The following PTPRM variants were observed in gnomAD, a reference collection of about 807,000 sequenced individuals.
PTPRM encodes protein tyrosine phosphatase receptor type M, also known as receptor-type tyrosine-protein phosphatase mu.
A neutral mutation model predicts 186.7 loss-of-function variants in PTPRM; 47 were observed. That is an observed-to-expected ratio of 0.25 (90% CI 0.20 to 0.32). The LOEUF is 0.32. Ranked by LOEUF, PTPRM falls within the 10% of genes least tolerant of loss-of-function variation. The pLI, the probability that PTPRM is intolerant of heterozygous loss-of-function variation, is 1.00. For missense variants in PTPRM, 1,494 were observed against 1,865.0 expected (o/e 0.80, Z 3.66); for synonymous variants, 668 against 674.9 (o/e 0.99, Z 0.16).
intron 7 of PTPRM, among the ~76,000 whole-genome samples, chr18:8,056,141 T>G (rs1410313267): frequency 6.6e-6 from 1 of 152,236 alleles, no homozygotes; most frequent in South Asian, 2.1e-4. Context: ...TTAATTTATC[T>G]AATTATTTGA....
intron 7 of PTPRM, among the ~76,000 whole-genome samples, chr18:8,033,910 A>C (rs1026803477): frequency 6.6e-6 from 1 of 152,204 alleles, no homozygotes; most frequent in East Asian, 1.9e-4. Flanking sequence ...CAGAAGCTTT[A>C]GGGGAGATTC....
At chr18:7,751,738 T>C (rs2041226363) in intron 1 of PTPRM, among the ~76,000 whole-genome samples, 1 of 152,226 alleles carries the variant, frequency 6.6e-6, no homozygotes, top group African/African-American at 2.4e-5. Context: ...ACCTGCACAC[T>C]ACCAGGCACC....
At chr18:8,297,119 C>T (rs973589102) in intron 20 of PTPRM, among the ~76,000 whole-genome samples, 7 of 152,248 alleles carry the variant, frequency 4.6e-5, no homozygotes, top group African/African-American at 1.7e-4. Context: ...TCCCAGGGCC[C>T]GCACTATCCA....
intron 2 of PTPRM, among the ~76,000 whole-genome samples, chr18:7,819,757 G>A (rs992789243): frequency 2.0e-5 from 3 of 152,172 alleles, no homozygotes; most frequent in African/African-American, 7.2e-5. Context: ...ACACTGCTGT[G>A]GAGTCAGAAC....
chr18:7,617,779 T>G (rs2143934381), intron 1 of PTPRM, among the ~76,000 whole-genome samples: 1 of 152,268 alleles, frequency 6.6e-6, no homozygotes, highest in Non-Finnish European at 1.5e-5. Flanking sequence ...ACCGCTTGAG[T>G]TAATCTGGGG....
intron 2 of PTPRM, among the ~76,000 whole-genome samples, chr18:7,887,713 C>G (rs1364998307): frequency 6.6e-6 from 1 of 152,172 alleles, no homozygotes; most frequent in Non-Finnish European, 1.5e-5. Context: ...TCACACGTGG[C>G]TATTGAGCAC....
intron 1 of PTPRM, among the ~76,000 whole-genome samples, chr18:7,766,784 G>A (rs1255236716): frequency 6.6e-6 from 1 of 152,202 alleles, no homozygotes; most frequent in African/African-American, 2.4e-5. Context: ...AGAAAACGTA[G>A]TTAAAGCATC....
rs531418723 is a variant in PTPRM, at chr18:7,826,024, G to T, written c.196+51753G>T. ...TCTGGTGTTAACAGTGGCTCTCAGA[G>T]CACCTTGTTGCTTGTCCTCATTGGA... On this transcript the variant is annotated intron_variant, in intron 2 of 32. Coordinates refer to ENST00000580170, the MANE Select transcript of PTPRM (RefSeq NM_001105244.2). Among the ~76,000 whole-genome samples, 112 of 152,254 alleles carry T rather than the reference G, an allele frequency of 7.4e-4. 1 individual carries two copies. The highest frequency in any genetic ancestry group is 3.5e-4 in the Non-Finnish European group (24 of 68,028).
intron 13 of PTPRM, among the ~76,000 whole-genome samples, chr18:8,125,697 C>T (rs1001153795): frequency 6.6e-5 from 10 of 151,776 alleles, no homozygotes; most frequent in African/African-American, 2.2e-4. Flanking sequence ...AAGGTTCTGT[C>T]TACCTCAGAA....
chr18:8,245,949 G>A (rs1341938085), intron 15 of PTPRM, among the ~76,000 whole-genome samples: 5 of 152,202 alleles, frequency 3.3e-5, no homozygotes, highest in Admixed American at 3.3e-4. Context: ...ACAAACGGCA[G>A]CTGCAGAGGC....
At chr18:7,870,937 G>A (rs1329131795) in intron 2 of PTPRM, among the ~76,000 whole-genome samples, 7 of 152,170 alleles carry the variant, frequency 4.6e-5, no homozygotes, top group Non-Finnish European at 8.8e-5. Flanking sequence ...TAGTTTTGAC[G>A]TATCTGACCT....
At chr18:8,104,251 A>G (rs1189935690) in intron 11 of PTPRM, among the ~76,000 whole-genome samples, 4 of 152,168 alleles carry the variant, frequency 2.6e-5, no homozygotes, top group African/African-American at 9.7e-5. Flanking sequence ...AAGCCCAATA[A>G]TGTGAAGTGC....
intron 2 of PTPRM, among the ~76,000 whole-genome samples, chr18:7,856,612 C>T (rs1293413654): frequency 1.3e-5 from 2 of 151,822 alleles, no homozygotes; most frequent in Non-Finnish European, 2.9e-5. Context: ...GATGTGGTGG[C>T]ACATGTCTAT....
At chr18:7,982,185 A>C (rs2082589361) in intron 7 of PTPRM, among the ~76,000 whole-genome samples, 1 of 152,162 alleles carries the variant, frequency 6.6e-6, no homozygotes, top group African/African-American at 2.4e-5. Context: ...CTTTTGTAAT[A>C]ACACTTAGCT....
chr18:8,163,630 A>G (rs757821389), intron 14 of PTPRM, among the ~76,000 whole-genome samples: 1 of 152,248 alleles, frequency 6.6e-6, no homozygotes. Context: ...CAACAATAGC[A>G]TTAAAATTAA....
chr18:7,633,911 C>G (rs1216196222), intron 1 of PTPRM, among the ~76,000 whole-genome samples: 2 of 152,098 alleles, frequency 1.3e-5, no homozygotes, highest in African/African-American at 4.8e-5. Context: ...GGACTTTCCC[C>G]TTTTCAGCAT....
At chr18:8,103,471 T>C (rs2091382738) in intron 11 of PTPRM, among the ~76,000 whole-genome samples, 2 of 152,256 alleles carry the variant, frequency 1.3e-5, no homozygotes, top group African/African-American at 2.4e-5. Flanking sequence ...CTACTTTTCT[T>C]AAACCTCATG....
In PTPRM at chr18:7,815,786, A is replaced by G. The variant is rs1310565420; in HGVS notation, c.196+41515A>G. Reference sequence around the variant, plus strand: ...TGATAAAGCAGCACATTTTGAAGAGATTGTAGTTTAAAGTATGGGAATAGA... The same window carrying G: ...TGATAAAGCAGCACATTTTGAAGAGGTTGTAGTTTAAAGTATGGGAATAGA... On this transcript the variant is annotated intron_variant, in intron 2 of 32. Transcript: ENST00000580170. The G allele has an allele frequency of 2.6e-5, 4 of 152,180 alleles. No individual in the cohort carries two copies. The East Asian group carries it at 7.7e-4, about 29-fold the overall frequency. The allele number at this position is 152,180 out of a possible 1,614,324, so 9.4% of individuals were successfully genotyped here.
intron 14 of PTPRM, among the ~76,000 whole-genome samples, chr18:8,183,406 A>G (rs1466966946): frequency 6.6e-6 from 1 of 152,218 alleles, no homozygotes; most frequent in Non-Finnish European, 1.5e-5. Flanking sequence ...GAGGCAGGAA[A>G]GCGGTGAACT....
Sources: gnomAD v4.1 joint callset for allele counts (sites outside exome capture counted in the v4.1 genomes callset) on GRCh38, gnomAD v4.1.1 for gene constraint, MANE v1.5 for transcripts, NCBI Gene and HGNC (gene_info 2026-07-23, HGNC 2026-07-21) for gene names.